The following POLR2J2 variants were observed in gnomAD, a reference collection of about 807,000 sequenced individuals.
POLR2J2 encodes the protein RNA polymerase II subunit J2.
POLR2J2 carries 3 observed loss-of-function variants against 2.8 expected under a neutral mutation model. The ratio of observed to expected loss-of-function variants is 1.05; its 90% CI spans 0.48 to 2.72. The LOEUF (loss-of-function observed/expected upper bound fraction) is 2.72, where lower values mean the gene tolerates loss of function less well. POLR2J2 is among the 30% of genes most tolerant of loss of function. The pLI is 0.04. For missense variants in POLR2J2, 9 were observed against 27.8 expected (o/e 0.32, Z 1.52); for synonymous variants, 4 against 10.9 (o/e 0.37, Z 1.25).
At chr7:102,667,738 A>G (rs1792045499) in intron 2 of POLR2J2, among the ~76,000 whole-genome samples, 1 of 152,302 alleles carries the variant, frequency 6.6e-6, no homozygotes, top group Admixed American at 6.5e-5. Flanking sequence ...GCCTTGTGCC[A>G]TGGGGCTGCG....
At chr7:102,667,742 G>C (rs1444741371) in intron 2 of POLR2J2, among the ~76,000 whole-genome samples, 1 of 152,284 alleles carries the variant, frequency 6.6e-6, no homozygotes, top group African/African-American at 2.4e-5. Context: ...TGTGCCATGG[G>C]GCTGCGTCGC....
At chr7:102,671,634 G>A (rs747048346), upstream of POLR2J2, 4 of 930,086 alleles carry the variant, frequency 4.3e-6, 1 homozygote, top group African/African-American at 1.8e-5. Flanking sequence ...GACCCCAAGT[G>A]TCCGCCACCG....
At position 102,671,453 on chromosome 7, in the gene POLR2J2, G is replaced by A. The variant is rs1450466868; in HGVS notation, c.50+99C>T. On this transcript the variant is annotated intron_variant, in intron 1 of 2. Transcript: ENST00000358438. ...AGGCCGAGCAGACGATCAAGCAAAA[G>A]CTGTTTCCCTCCCGGGGCAAGAGAT... 4 of 732,264 alleles carry A rather than the reference G, an allele frequency of 5.5e-6. No homozygotes were observed. The African/African-American group carries it at 7.7e-5, about 14-fold the overall frequency. The allele number at this position is 732,264 out of a possible 1,614,324, so 45.4% of individuals were successfully genotyped here.
chr7:102,667,783 T>C (rs1444855600), intron 2 of POLR2J2, among the ~76,000 whole-genome samples: 1 of 152,300 alleles, frequency 6.6e-6, no homozygotes, highest in Non-Finnish European at 1.5e-5. Flanking sequence ...AGGGGTCTCC[T>C]CTAGAGCGGC....
At chr7:102,667,921 T>C (rs1792050828) in intron 2 of POLR2J2, among the ~76,000 whole-genome samples, 1 of 148,020 alleles carries the variant, frequency 6.8e-6, no homozygotes, top group African/African-American at 2.5e-5. Context: ...GCAGGATTCC[T>C]CCATCCCCGT....
rs556324417 is a variant in POLR2J2 at position 102,667,884 on chromosome 7, T to C, written c.141-620A>G. ...GGGAGCAGCAGGGCCCCAGGAGAGC[T>C]TGGGTGCCCCACTGGCTGGGCTCCA... On this transcript the variant is annotated intron_variant, in intron 2 of 2. Coordinates refer to ENST00000358438, the Ensembl canonical transcript of POLR2J2. Among the ~76,000 whole-genome samples the C allele has an allele frequency of 3.3e-5, 5 of 150,206 alleles. No individual in the cohort carries two copies. In the South Asian group the frequency reaches 8.4e-4, roughly 25 times the overall value.
intron 2 of POLR2J2, among the ~76,000 whole-genome samples, chr7:102,667,679 C>A (rs1245924559): frequency 6.6e-6 from 1 of 152,266 alleles, no homozygotes; most frequent in Non-Finnish European, 1.5e-5. Context: ...GCAAATGGAA[C>A]TCTGCCCTCC....
intron 2 of POLR2J2, among the ~76,000 whole-genome samples, chr7:102,667,645 C>T (rs1381892309): frequency 1.3e-4 from 20 of 150,420 alleles, no homozygotes; most frequent in African/African-American, 3.9e-4. Context: ...GAGAGGAGGG[C>T]CAGCTCCCGG....
rs1162112438 is a variant in POLR2J2, at chr7:102,669,879, TC to T, written c.51-876del. Among the ~76,000 whole-genome samples, 63 of 22,096 alleles carry T rather than the reference TC, an allele frequency of 2.9e-3. 15 individuals are homozygous for T. Among genetic ancestry groups the T allele is most frequent in the Non-Finnish European group, 5.6e-3 (51 of 9,110 alleles). The allele number at this position is 22,096 out of a possible 152,430, so 14.5% of individuals were successfully genotyped here. ...TGGAGTGTGCAGTCCTTCCATCCAT[TC>T]CCCAAAACAAGTCATGCTCTGGCAT... On this transcript the variant is annotated intron_variant, in intron 1 of 2. Coordinates refer to ENST00000358438, the Ensembl canonical transcript of POLR2J2.
chr7:102,671,217 G>A (rs1272124871), intron 1 of POLR2J2: 1 of 88,686 alleles, frequency 1.1e-5, no homozygotes, highest in African/African-American at 4.6e-5. Flanking sequence ...GGGGATGAAG[G>A]ATGGAGGTGG....
In POLR2J2 at chr7:102,671,585, G is replaced by A; in HGVS notation, c.17C>T (p.Ala6Val). ...CTCGAAGAGCAAGAACGACTCGAAG[G>A]CTGGAGGGGCGTTCATGCTCCCGCC... Residue 6 changes from alanine to valine, a missense_variant, in exon 1 of 3, where the codon GCC (alanine) becomes GTC (valine). Ala to Val is a moderately conservative substitution (Grantham distance 64, BLOSUM62 0). Transcript: ENST00000358438. The A allele has an allele frequency of 9.7e-6, 10 of 1,028,384 alleles. 3 individuals carry two copies. The highest frequency in any genetic ancestry group is 1.4e-5 in the Non-Finnish European group (10 of 721,888). The allele number at this position is 1,028,384 out of a possible 1,614,324, so 63.7% of individuals were successfully genotyped here.
chr7:102,667,344 GA>G (rs1792036514), intron 2 of POLR2J2, 80 bp from the exon 3 acceptor site: 1 of 97,960 alleles, frequency 1.0e-5, no homozygotes, highest in African/African-American at 6.2e-5. Flanking sequence ...CAGAAGAACA[GA>G]CTTTCTAGCC....
chr7:102,667,813 A>T (rs1792047441), intron 2 of POLR2J2, among the ~76,000 whole-genome samples: 1 of 152,284 alleles, frequency 6.6e-6, no homozygotes, highest in Admixed American at 6.5e-5. Flanking sequence ...CGTGAGCACC[A>T]CAAGGGGGAC....
At chr7:102,667,949 G>A (rs1792051611) in intron 2 of POLR2J2, among the ~76,000 whole-genome samples, 1 of 150,134 alleles carries the variant, frequency 6.7e-6, no homozygotes, top group African/African-American at 2.4e-5. Context: ...CACACCAGGA[G>A]ACTGGGCAGA....
At chr7:102,667,667 A>C (rs1341229533) in intron 2 of POLR2J2, among the ~76,000 whole-genome samples, 3 of 152,300 alleles carry the variant, frequency 2.0e-5, no homozygotes, top group Admixed American at 6.5e-5. Context: ...AGTGAGTGGA[A>C]TGCAAATGGA....
intron 2 of POLR2J2, among the ~76,000 whole-genome samples, chr7:102,667,973 C>T (rs1407888578): frequency 8.0e-5 from 12 of 150,528 alleles, no homozygotes; most frequent in Middle Eastern, 3.4e-3. Context: ...CACTCACAGA[C>T]GGGGAAAAGC....
At chr7:102,669,127 G>A in intron 1 of POLR2J2, 123 bp from the exon 2 acceptor site, 1 of 126,022 alleles carries the variant, frequency 7.9e-6, no homozygotes. Flanking sequence ...CACTTTGGGA[G>A]GCTGAGGTGG....
chr7:102,666,594 CAG>C (rs1270522330), exon 3 of POLR2J2: 1 of 39,938 alleles, frequency 2.5e-5, no homozygotes, highest in African/African-American at 5.8e-5. Flanking sequence ...TTAGTAGAAA[CAG>C]GGCTTCACCA....
At chr7:102,667,360 AT>A in intron 2 of POLR2J2, 96 bp from the exon 3 acceptor site, 1 of 86,546 alleles carries the variant, frequency 1.2e-5, no homozygotes, top group Non-Finnish European at 2.4e-5. Context: ...CTAGCCAAAA[AT>A]CCCCCCCAAC....
Sources: gnomAD v4.1 joint callset for allele counts (sites outside exome capture counted in the v4.1 genomes callset) on GRCh38, gnomAD v4.1.1 for gene constraint, MANE v1.5 for transcripts, NCBI Gene and HGNC (gene_info 2026-07-23, HGNC 2026-07-21) for gene names.